Variants in ENPP2 observed in about 807,000 individuals in gnomAD.
ENPP2 encodes ectonucleotide pyrophosphatase/phosphodiesterase 2.
Under a neutral mutation model 120.2 loss-of-function variants are expected in ENPP2, and 51 were observed. That is an observed-to-expected ratio of 0.42 (90% CI 0.34 to 0.54). The LOEUF (loss-of-function observed/expected upper bound fraction) is 0.54. ENPP2 is among the 20% of genes least tolerant of loss of function. The pLI is 0.04. For missense variants in ENPP2, 920 were observed against 1,066.5 expected (o/e 0.86, Z 1.91); for synonymous variants, 365 against 366.4 (o/e 1.00, Z 0.04).
intron 24 of ENPP2, among the ~76,000 whole-genome samples, chr8:119,562,166 C>T (rs913790426): frequency 6.7e-6 from 1 of 150,306 alleles, no homozygotes; most frequent in African/African-American, 2.5e-5. Flanking sequence ...TTATGGGCCA[C>T]GCACAATGGC....
chr8:119,643,366 A>G (rs574586509), upstream of ENPP2, among the ~76,000 whole-genome samples: 10 of 152,324 alleles, frequency 6.6e-5, no homozygotes, highest in African/African-American at 1.4e-4. Flanking sequence ...CTAAACCACA[A>G]AAGCAAAGTT....
intron 1 of ENPP2, among the ~76,000 whole-genome samples, chr8:119,652,268 A>T (rs1817648177): frequency 6.6e-6 from 1 of 152,166 alleles, no homozygotes; most frequent in South Asian, 2.1e-4. Flanking sequence ...CTCATGATTT[A>T]ATCACCTCCC....
At chr8:119,560,354 T>C (rs1349306425) in intron 24 of ENPP2, among the ~76,000 whole-genome samples, 2 of 152,216 alleles carry the variant, frequency 1.3e-5, no homozygotes, top group Non-Finnish European at 2.9e-5. Context: ...CTGGGGCTTT[T>C]GTGGTTGTAA....
Position 119,645,041 on chromosome 8 carries a change from G to C in ENPP2, c.22-6514C>G, listed in dbSNP as rs544216332. ...CTGTTTTACCAAAAGTTTTACCCTAGGGTTGACGACTCCCATATTTTACCC... is the reference window on the plus strand; with the variant it reads ...CTGTTTTACCAAAAGTTTTACCCTACGGTTGACGACTCCCATATTTTACCC... On this transcript the variant is annotated intron_variant, in intron 1 of 25. Transcript: ENST00000427067. Among the ~76,000 whole-genome samples, 6 of 152,216 alleles carry C rather than the reference G, an allele frequency of 3.9e-5. No individual in the cohort carries two copies. The East Asian group carries it at 1.2e-3, about 29-fold the overall frequency.
rs574129296 is a variant in ENPP2 at position 119,620,637 on chromosome 8, A to C, written c.418+757T>G. 5.9e-5 allele frequency among the ~76,000 whole-genome samples: 9 copies of C among 152,352 alleles called. No individual in the cohort carries two copies. The East Asian group carries it at 1.7e-3, about 29-fold the overall frequency. ...TTCTTGGATCTTCCCATCAACTTCT[A>C]TAAGTGGGTTGCACGGCAACTTAAA... On this transcript the variant is annotated intron_variant, in intron 4 of 24. Coordinates refer to ENST00000075322, the MANE Select transcript of ENPP2 (RefSeq NM_001040092.3).
intron 18 of ENPP2, among the ~76,000 whole-genome samples, chr8:119,581,547 T>A (rs1812737572): frequency 6.6e-6 from 1 of 152,068 alleles, no homozygotes; most frequent in African/African-American, 2.4e-5. Context: ...GCTGCACTCA[T>A]CGGCCAAATA....
intron 14 of ENPP2, among the ~76,000 whole-genome samples, 166 bp downstream of exon 14, chr8:119,586,878 C>A (rs1813149332): frequency 6.6e-6 from 1 of 152,098 alleles, no homozygotes; most frequent in Admixed American, 6.5e-5. Context: ...TGACCACAGG[C>A]CAGAAGTTTT....
At position 119,600,711 on chromosome 8, in the gene ENPP2, G is replaced by A; in HGVS notation, c.939C>T (p.Phe313=). ...VYAFYSEQPD[F]SGHKYGPFGP... ...CGAAAGGGCCATATTTGTGTCCAGA[G>A]AAATCAGGTTGCTCAGAATAGAAGG... Residue 313 remains phenylalanine, a synonymous_variant, in exon 11 of 25, where the codon TTC becomes TTT. Coordinates refer to ENST00000075322, the MANE Select transcript of ENPP2 (RefSeq NM_001040092.3). The A allele has an allele frequency of 2.5e-6, 4 of 1,613,108 alleles. No homozygotes were observed. Among genetic ancestry groups the A allele is most frequent in the Non-Finnish European group, 3.4e-6 (4 of 1,179,182 alleles).
At chr8:119,593,114 T>A in intron 12 of ENPP2, 1 of 174,046 alleles carries the variant, frequency 5.7e-6, no homozygotes, top group Non-Finnish European at 1.1e-5. Context: ...CATATAATGT[T>A]TATGATGCTC....
intron 19 of ENPP2, among the ~76,000 whole-genome samples, chr8:119,574,229 T>C (rs1384169221): frequency 1.3e-5 from 2 of 152,144 alleles, no homozygotes; most frequent in African/African-American, 4.8e-5. Flanking sequence ...AGCCACCCAC[T>C]GCATTTTTGT....
chr8:119,560,112 A>G (rs935315683), intron 24 of ENPP2, among the ~76,000 whole-genome samples: 3 of 152,162 alleles, frequency 2.0e-5, no homozygotes, highest in African/African-American at 7.2e-5. Flanking sequence ...AATTCCTCTA[A>G]TGACCGAACT....
In ENPP2 at chr8:119,638,829, C is replaced by G; in HGVS notation, c.-49G>C. 6.2e-7 allele frequency: 1 copy of G among 1,613,274 alleles called. No homozygotes were observed. Reference sequence around the variant, plus strand: ...TTGCAGCGTGTTCTCTTTGCCTTCACGGAGTGCACTGCTTTGAGGCTCTGG... The same window carrying G: ...TTGCAGCGTGTTCTCTTTGCCTTCAGGGAGTGCACTGCTTTGAGGCTCTGG... On this transcript the variant is annotated 5_prime_UTR_variant, in exon 1 of 25. Transcript: ENST00000075322.
At chr8:119,567,315 T>C (rs1814546955) in intron 22 of ENPP2, among the ~76,000 whole-genome samples, 1 of 152,188 alleles carries the variant, frequency 6.6e-6, no homozygotes. Context: ...CATAGATGAA[T>C]AGTTAACAGA....
intron 24 of ENPP2, 75 bp from the exon 25 acceptor site, chr8:119,557,766 G>C: frequency 7.8e-7 from 1 of 1,286,128 alleles, no homozygotes; most frequent in Non-Finnish European, 1.1e-6. Context: ...TTTACTCCAA[G>C]TCCACAAATG....
chr8:119,601,515 C>A lies in ENPP2; in HGVS notation c.834-53G>T. ...TTGTTAGGTTTCATTTCCGCAAACT[C>A]AAGCCTGAGGAGTGCTCGCTCTTGC... is the stretch of plus-strand genomic sequence containing the variant. On this transcript the variant is annotated intron_variant, in intron 9 of 24. Transcript: ENST00000075322. 3 of 1,403,604 alleles carry A rather than the reference C, an allele frequency of 2.1e-6. No homozygotes were observed. The South Asian group carries it at 3.5e-5, about 16-fold the overall frequency. The allele number at this position is 1,403,604 out of a possible 1,614,324, so 86.9% of individuals were successfully genotyped here. A position where few individuals can be genotyped will look rare whatever the true frequency, so the allele number is the denominator to read the frequency against.
chr8:119,580,291 TC>T (rs1356797277), intron 18 of ENPP2, 124 bp from the exon 19 acceptor site: 4 of 754,878 alleles, frequency 5.3e-6, no homozygotes, highest in Non-Finnish European at 9.5e-6. Flanking sequence ...TCCATCTATA[TC>T]ATACATTCTT....
At position 119,580,108 on chromosome 8, in the gene ENPP2, C is replaced by T. The variant is rs866897242; in HGVS notation, c.1780+8G>A. The stretch of plus-strand genomic sequence containing the variant: ...ACCTTATCTGATTATTTTGCAACCA[C>T]CCCTTACCTTCTGTAGACCCTTTTG... On this transcript the variant is annotated splice_region_variant and intron_variant, in intron 19 of 24. Coordinates refer to ENST00000075322, the MANE Select transcript of ENPP2 (RefSeq NM_001040092.3). The T allele has an allele frequency of 3.1e-6, 5 of 1,608,466 alleles. No homozygotes were observed. The Middle Eastern group carries it at 8.3e-4, about 266-fold the overall frequency.
rs778901305 is a variant in ENPP2, at chr8:119,582,514, C to T, written c.1632G>A (p.Met544Ile). 6.2e-7 allele frequency: 1 copy of T among 1,613,926 alleles called. No individual in the cohort carries two copies. The highest frequency in any genetic ancestry group is 1.7e-5 in the Admixed American group (1 of 60,020). ...AATTGGGTCTGGTAACTTCCTCTGG[C>T]ATGGTTGGCCTGAAGGTATTAGTGC... ...LLRTNTFRPT[M>I]PEEVTRPNYP... Residue 544 changes from methionine to isoleucine, a missense_variant, in exon 18 of 25, where the codon ATG (methionine) becomes ATA (isoleucine). By Grantham distance (10) the Met-to-Ile change is conservative. Coordinates refer to ENST00000075322, the MANE Select transcript of ENPP2 (RefSeq NM_001040092.3).
At chr8:119,622,459 C>T (rs982678794) in intron 3 of ENPP2, among the ~76,000 whole-genome samples, 7 of 152,200 alleles carry the variant, frequency 4.6e-5, no homozygotes, top group African/African-American at 1.7e-4. Flanking sequence ...ACAGATTTCC[C>T]TCTGAACATA....
Sources: allele counts gnomAD v4.1 joint callset (sites outside exome capture counted in the v4.1 genomes callset), GRCh38; gene constraint gnomAD v4.1.1; transcripts MANE v1.5; gene names NCBI Gene and HGNC (gene_info 2026-07-23, HGNC 2026-07-21).